The following SVOPL variants were observed in gnomAD, a reference collection of about 807,000 sequenced individuals.
SVOPL encodes the protein SVOP like, also known as putative transporter SVOPL.
In SVOPL, 60 loss-of-function variants were observed where a neutral mutation model predicts 61.0. That is an observed-to-expected ratio of 0.98 (90% confidence interval 0.80 to 1.22). SVOPL has a LOEUF of 1.22. SVOPL is among the 50% of genes most tolerant of loss of function. SVOPL has a pLI of 0.00. For missense variants in SVOPL, 662 were observed against 643.9 expected (o/e 1.03, Z -0.30); for synonymous variants, 279 against 250.0 (o/e 1.12, Z -1.09).
At chr7:138,631,992 A>ACACACACACACACACC (rs1224217933) in intron 9 of SVOPL, among the ~76,000 whole-genome samples, 4 of 150,500 alleles carry the variant, frequency 2.7e-5, no homozygotes, top group South Asian at 2.1e-4. Context: ...ACATACACAC[A>ACACACACACACACACC]CCCCTACACC....
chr7:138,642,088 C>T (rs954611932), intron 9 of SVOPL, among the ~76,000 whole-genome samples: 10 of 150,936 alleles, frequency 6.6e-5, no homozygotes, highest in South Asian at 2.1e-4. Flanking sequence ...AATACAGTTA[C>T]ATTATAATAA....
At chr7:138,653,793 C>T (rs1448414188) in intron 7 of SVOPL, among the ~76,000 whole-genome samples, 3 of 151,952 alleles carry the variant, frequency 2.0e-5, no homozygotes, top group African/African-American at 2.4e-5. Context: ...ATTAGCTGGG[C>T]GTAGTGGCAT....
intron 9 of SVOPL, among the ~76,000 whole-genome samples, chr7:138,636,419 C>G (rs1248039648): frequency 6.6e-6 from 1 of 151,372 alleles, no homozygotes. Context: ...GATACTGATT[C>G]TCTCTACATT....
At chr7:138,635,052 C>G (rs1345129491) in intron 9 of SVOPL, among the ~76,000 whole-genome samples, 1 of 152,092 alleles carries the variant, frequency 6.6e-6, no homozygotes, top group Admixed American at 6.6e-5. Context: ...GCAGATGGAT[C>G]ACCTGAGGTC....
intron 13 of SVOPL, among the ~76,000 whole-genome samples, chr7:138,623,413 A>AT (rs1799757454): frequency 6.6e-6 from 1 of 152,178 alleles, no homozygotes; most frequent in South Asian, 2.1e-4. Flanking sequence ...ATCCTGGCTA[A>AT]CAAGGTAAAA....
At chr7:138,660,891 G>A (rs186834729) in intron 5 of SVOPL, 113 of 985,126 alleles carry the variant, frequency 1.1e-4, no homozygotes, top group Non-Finnish European at 1.2e-4. Context: ...CCATTTCAAC[G>A]GTGCAGGACT....
rs958651999 is a variant in SVOPL, at chr7:138,676,362, C to T, written c.174+2072G>A. 7.2e-5 allele frequency among the ~76,000 whole-genome samples: 11 copies of T among 152,206 alleles called. No homozygotes were observed. In the East Asian group the frequency reaches 1.9e-3, roughly 27 times the overall value. ...CTAAATTCATTTTCTCACAGTTCTG[C>T]AGGTCGGGAGGCCCAAGATCAAAGT... On this transcript the variant is annotated intron_variant, in intron 3 of 15. Coordinates refer to ENST00000674285, the MANE Select transcript of SVOPL (RefSeq NM_001139456.2).
intron 10 of SVOPL, among the ~76,000 whole-genome samples, chr7:138,629,728 G>T (rs1044008275): frequency 5.9e-5 from 9 of 152,186 alleles, no homozygotes; most frequent in African/African-American, 2.2e-4. Context: ...CTCGATGATT[G>T]GTGACTTCAA....
rs139233406 is a variant in SVOPL at position 138,631,111 on chromosome 7, G to A, written c.790-989C>T. On this transcript the variant is annotated intron_variant, in intron 9 of 15. Transcript: ENST00000674285. ...TTACAGGCTGTTTCTAGAGACACTG[G>A]GAATGTGGTCCTGGGTGTCCTAGAT... Among the ~76,000 whole-genome samples the A allele has an allele frequency of 6.7e-4, 102 of 152,230 alleles. 1 individual carries two copies. The East Asian group carries it at 0.019, about 28-fold the overall frequency.
chr7:138,672,165 C>T (rs1305594396), intron 3 of SVOPL, 48 bp from the exon 4 acceptor site: 1 of 1,505,932 alleles, frequency 6.6e-7, no homozygotes, highest in Non-Finnish European at 9.0e-7. Context: ...AGCTTGTCAT[C>T]ACTTCTTCTC....
At chr7:138,689,589 G>A in intron 1 of SVOPL, 1 of 443,120 alleles carries the variant, frequency 2.3e-6, no homozygotes, top group Non-Finnish European at 4.1e-6. Flanking sequence ...GCCAGATGTG[G>A]TGGCTCTGCC....
intron 9 of SVOPL, among the ~76,000 whole-genome samples, chr7:138,630,591 G>C (rs886375778): frequency 6.6e-6 from 1 of 152,128 alleles, no homozygotes; most frequent in Non-Finnish European, 1.5e-5. Flanking sequence ...TGTCTCTAAG[G>C]GGGGTAGTTA....
intron 8 of SVOPL, among the ~76,000 whole-genome samples, chr7:138,645,172 A>C: frequency 6.7e-6 from 1 of 148,186 alleles, no homozygotes. Flanking sequence ...ACCCCTCTCC[A>C]CCCCCTCCCC....
chr7:138,597,669 T>TGTGTGTGTGTGTGTGTGTGTGTGTG (rs1554449334), intron 14 of SVOPL, among the ~76,000 whole-genome samples: 2 of 151,582 alleles, frequency 1.3e-5, no homozygotes, highest in African/African-American at 4.9e-5. Context: ...TGTGTGTGTG[T>TGTGTGTGTGTGTGTGTGTGTGTGTG]TTTACTGCTG....
At chr7:138,599,167 A>AAAAAAAAAAAAAAAAAAAAC (rs58372563) in intron 14 of SVOPL, among the ~76,000 whole-genome samples, 1 of 121,806 alleles carries the variant, frequency 8.2e-6, no homozygotes, top group African/African-American at 3.2e-5. Flanking sequence ...ACCAAAAAAA[A>AAAAAAAAAAAAAAAAAAAAC]AAGAAATACA....
chr7:138,653,945 AAAAGAAAAG>A (rs1563121888), intron 7 of SVOPL, among the ~76,000 whole-genome samples: 2 of 41,842 alleles, frequency 4.8e-5, no homozygotes, highest in African/African-American at 9.8e-5. Flanking sequence ...AAAAAAAAAA[AAAAGAAAAG>A]AAAAGAAAAG....
At chr7:138,629,327 T>C (rs954997130) in intron 10 of SVOPL, among the ~76,000 whole-genome samples, 2 of 151,234 alleles carry the variant, frequency 1.3e-5, no homozygotes, top group Non-Finnish European at 2.9e-5. Flanking sequence ...ACCTCCTGGG[T>C]TCAAGAGATT....
chr7:138,602,448 T>TATATAC (rs905111693), intron 14 of SVOPL, among the ~76,000 whole-genome samples: 4 of 16,384 alleles, frequency 2.4e-4, no homozygotes, highest in African/African-American at 1.9e-3. Flanking sequence ...TTGCTATATA[T>TATATAC]ATATATATAT....
chr7:138,637,240 C>T (rs1210812234), intron 9 of SVOPL, among the ~76,000 whole-genome samples: 1 of 151,870 alleles, frequency 6.6e-6, no homozygotes, highest in East Asian at 1.9e-4. Context: ...CCAGCCTGCC[C>T]AACATGGTGA....
Sources: gnomAD v4.1 joint callset for allele counts (sites outside exome capture counted in the v4.1 genomes callset) on GRCh38, gnomAD v4.1.1 for gene constraint, MANE v1.5 for transcripts, NCBI Gene and HGNC (gene_info 2026-07-23, HGNC 2026-07-21) for gene names.